PCM1: variants seen among roughly 807,000 people sequenced by gnomAD.
PCM1 encodes pericentriolar material 1.
PCM1 carries 157 observed loss-of-function variants against 241.9 expected under a neutral mutation model. That is an observed-to-expected ratio of 0.65 (90% CI 0.57 to 0.74). The LOEUF (loss-of-function observed/expected upper bound fraction) is 0.74. PCM1 is among the 30% of genes least tolerant of loss of function. The pLI is 0.00. For missense variants in PCM1, 3,478 were observed against 2,360.1 expected (o/e 1.47, Z -9.81); for synonymous variants, 1,085 against 784.9 (o/e 1.38, Z -6.39).
chr8:18,027,628 G>A lies in PCM1; in HGVS notation c.6050-9G>A, dbSNP rs1213212081. The A allele has an allele frequency of 1.3e-6, 2 of 1,570,864 alleles. No individual in the cohort carries two copies. The highest frequency in any genetic ancestry group is 2.4e-5 in the South Asian group (2 of 84,878). ...GTAATTTATAAAGCATTTTTATTCT[G>A]TTTTTCAGAAACGGTGGGAGCCCAG... On this transcript the variant is annotated splice_polypyrimidine_tract_variant and intron_variant, in intron 38 of 38. Transcript: ENST00000325083.
intron 23 of PCM1, among the ~76,000 whole-genome samples, chr8:17,977,666 G>T (rs531863378): frequency 6.6e-6 from 1 of 152,244 alleles, no homozygotes; most frequent in Admixed American, 6.5e-5. Flanking sequence ...CTACTAGTTG[G>T]CAGAAAGGTT....
At chr8:17,962,714 C>T (rs1022055828) in intron 16 of PCM1, among the ~76,000 whole-genome samples, 53 of 152,078 alleles carry the variant, frequency 3.5e-4, no homozygotes, top group Non-Finnish European at 2.9e-5. Flanking sequence ...GCCTGGTCAA[C>T]GTGGTGAAAC....
chr8:17,952,918 A>T, intron 8 of PCM1, 52 bp from the exon 9 acceptor site: 1 of 1,101,180 alleles, frequency 9.1e-7, no homozygotes, highest in South Asian at 1.6e-5. Context: ...ATGAGAATGC[A>T]TTTAATTGCG....
At chr8:17,989,232 C>T (rs1289405654) in intron 26 of PCM1, among the ~76,000 whole-genome samples, 1 of 151,870 alleles carries the variant, frequency 6.6e-6, no homozygotes, top group Non-Finnish European at 1.5e-5. Flanking sequence ...GTTCTACAAC[C>T]AGCAGAACTG....
intron 29 of PCM1, 150 bp downstream of exon 29, chr8:17,993,769 C>A: frequency 1.8e-6 from 1 of 570,596 alleles, no homozygotes; most frequent in Non-Finnish European, 3.0e-6. Flanking sequence ...CCAACATTCT[C>A]TGAACCTTTC....
At chr8:18,023,134 T>C (rs1465240892) in intron 36 of PCM1, among the ~76,000 whole-genome samples, 2 of 152,218 alleles carry the variant, frequency 1.3e-5, no homozygotes, top group Non-Finnish European at 2.9e-5. Context: ...TCAGTAATAC[T>C]GGATTATTCA....
intron 24 of PCM1, chr8:17,983,114 A>G (rs1031962432): frequency 1.4e-5 from 5 of 366,302 alleles, no homozygotes; most frequent in African/African-American, 8.6e-5. Context: ...TAGTTCAGGC[A>G]AACAATTTTA....
intron 35 of PCM1, 78 bp downstream of exon 35, chr8:18,014,114 C>CAT: frequency 1.3e-6 from 1 of 768,430 alleles, no homozygotes; most frequent in South Asian, 1.8e-5. Flanking sequence ...AAAAAAAACA[C>CAT]ACACAGAAAA....
At chr8:17,972,253 G>T in intron 22 of PCM1, 76 bp from the exon 23 acceptor site, 1 of 797,964 alleles carries the variant, frequency 1.3e-6, no homozygotes, top group Admixed American at 3.4e-5. Context: ...TACTCGAGTA[G>T]ACTATAAATT....
chr8:18,022,329 G>C (rs1215137016), intron 36 of PCM1, among the ~76,000 whole-genome samples: 1 of 152,148 alleles, frequency 6.6e-6, no homozygotes, highest in Non-Finnish European at 1.5e-5. Context: ...AACACAAAAT[G>C]TTCAAACTTT....
At chr8:18,014,158 C>G in intron 35 of PCM1, 122 bp downstream of exon 35, 1 of 625,880 alleles carries the variant, frequency 1.6e-6, no homozygotes, top group Non-Finnish European at 2.8e-6. Context: ...TACTTTGGAC[C>G]TGATGTATGT....
chr8:17,974,857 GCACACACACACACACACA>G (rs60355433), intron 23 of PCM1, among the ~76,000 whole-genome samples: 1 of 133,274 alleles, frequency 7.5e-6, no homozygotes, highest in Non-Finnish European at 1.7e-5. Flanking sequence ...CCACTTTAAG[GCACACACACACACACACA>G]CACACACACA....
intron 6 of PCM1, among the ~76,000 whole-genome samples, chr8:17,945,241 A>G (rs2063384797): frequency 6.6e-6 from 1 of 152,180 alleles, no homozygotes; most frequent in Non-Finnish European, 1.5e-5. Context: ...CCAGACTAGG[A>G]TGAATTTCCA....
At chr8:18,022,302 T>C (rs2093818133) in intron 36 of PCM1, among the ~76,000 whole-genome samples, 2 of 152,220 alleles carry the variant, frequency 1.3e-5, no homozygotes, top group Non-Finnish European at 2.9e-5. Flanking sequence ...CATTAAGTTT[T>C]GATTTGGTTT....
At chr8:17,975,286 C>T (rs2078340624) in intron 23 of PCM1, among the ~76,000 whole-genome samples, 1 of 152,128 alleles carries the variant, frequency 6.6e-6, no homozygotes, top group African/African-American at 2.4e-5. Context: ...GTCTCATCCT[C>T]CCGAGTAGCT....
intron 29 of PCM1, among the ~76,000 whole-genome samples, chr8:17,999,838 C>CT (rs962841621): frequency 2.3e-4 from 34 of 150,196 alleles, no homozygotes; most frequent in East Asian, 1.7e-3. Context: ...CCACCCCTGC[C>CT]TTTTTTTTTA....
At chr8:17,988,152 A>G (rs2083242751) in intron 26 of PCM1, among the ~76,000 whole-genome samples, 1 of 151,772 alleles carries the variant, frequency 6.6e-6, no homozygotes, top group African/African-American at 2.4e-5. Flanking sequence ...ATAAAATGGT[A>G]AAAGCACATC....
chr8:17,967,452 G>T (rs1306354421), intron 21 of PCM1, among the ~76,000 whole-genome samples: 1 of 152,100 alleles, frequency 6.6e-6, no homozygotes, highest in Non-Finnish European at 1.5e-5. Context: ...GGGATTACAG[G>T]CATGTGCCAC....
At chr8:17,996,878 A>G (rs2086990747) in intron 29 of PCM1, among the ~76,000 whole-genome samples, 1 of 152,148 alleles carries the variant, frequency 6.6e-6, no homozygotes, top group Admixed American at 6.6e-5. Context: ...ATGTCTTGAA[A>G]AGTTGTTGTA....
Sources: allele counts gnomAD v4.1 joint callset (sites outside exome capture counted in the v4.1 genomes callset), GRCh38; gene constraint gnomAD v4.1.1; transcripts MANE v1.5; gene names NCBI Gene and HGNC (gene_info 2026-07-23, HGNC 2026-07-21).